Variants in ING5 observed in about 807,000 individuals in gnomAD.
ING5 encodes the protein inhibitor of growth family member 5.
Under a neutral mutation model 37.4 loss-of-function variants are expected in ING5, and 17 were observed. The ratio of observed to expected loss-of-function variants is 0.45; its 90% CI spans 0.31 to 0.68. The LOEUF (loss-of-function observed/expected upper bound fraction) is 0.68, where lower values mean the gene tolerates loss of function less well. Among genes scored for constraint, ING5 ranks in the 30% least tolerant of loss-of-function variants. The pLI is 0.05. For synonymous variants in ING5, 123 were observed against 116.6 expected (o/e 1.06, Z -0.36); for missense variants, 233 against 311.9 (o/e 0.75, Z 1.91).
At position 241,729,265 on chromosome 2, in the gene ING5, CT is replaced by C. The variant is rs148571661; in HGVS notation, c.*4237del. ...TCTGTATGTATTTTGTGGTGTCCAC[CT>C]TTAACCACGTTTCATCCAAAACGAT... On this transcript the variant is annotated 3_prime_UTR_variant, in exon 8 of 8. Transcript: ENST00000313552. 0.027 allele frequency: 4,193 copies of C among 152,678 alleles called. 95 individuals are homozygous for C. Among genetic ancestry groups the C allele is most frequent in the Non-Finnish European group, 0.038 (2,572 of 68,020 alleles). 9.5% of individuals were successfully genotyped at this position (152,678 alleles called of 1,614,324 possible).
Position 241,711,392 on chromosome 2 carries a change from C to T in ING5, c.292C>T (p.Arg98Ter). The T allele has an allele frequency of 3.9e-6, 6 of 1,534,934 alleles. No homozygotes were observed. Among genetic ancestry groups the T allele is most frequent in the Non-Finnish European group, 5.2e-6 (6 of 1,144,836 alleles). The change falls in exon 4 of 8, where the codon CGA (arginine) becomes TGA (stop). Residue 98 changes from arginine (R) to a stop codon, truncating the protein, a stop_gained. Transcript: ENST00000313552. LOFTEE classifies it high-confidence loss of function. ...QTYEMVDKHI[R>*]RLDADLARFE... ...CCTTTTGTAGGTGGATAAACACATT[C>T]GAAGGCTTGATGCAGACCTGGCGCG...
chr2:241,723,656 A>T, intron 7 of ING5: 1 of 1,064,778 alleles, frequency 9.4e-7, no homozygotes, highest in Non-Finnish European at 1.4e-6. Context: ...ATATAGCATG[A>T]GATGTGAGCC....
At chr2:241,722,514 C>T in intron 5 of ING5, 2 of 985,472 alleles carry the variant, frequency 2.0e-6, no homozygotes, top group South Asian at 4.7e-5. Flanking sequence ...CTGCTGCCAG[C>T]TGCTGCTGTT....
In ING5 at chr2:241,708,398, G is replaced by A. The variant is rs1012628669; in HGVS notation, c.110-818G>A. ...AATTTTTTGTATTTTTAGTAGAGAC[G>A]GGGTTTCATCAAGTTAGCCAGGATG... On this transcript the variant is annotated intron_variant, in intron 2 of 7. Coordinates refer to ENST00000313552, the MANE Select transcript of ING5 (RefSeq NM_032329.6). 5.9e-5 allele frequency among the ~76,000 whole-genome samples: 9 copies of A among 151,284 alleles called. No individual in the cohort carries two copies. In the Admixed American group the frequency reaches 6.0e-4, roughly 10 times the overall value.
intron 5 of ING5, among the ~76,000 whole-genome samples, chr2:241,715,546 G>C (rs2070241641): frequency 7.3e-6 from 1 of 137,454 alleles, no homozygotes; most frequent in African/African-American, 2.8e-5. Flanking sequence ...GCAGTGGTGT[G>C]ATCTTGGCTC....
At chr2:241,720,587 T>C in intron 5 of ING5, 1 of 986,410 alleles carries the variant, frequency 1.0e-6, no homozygotes, top group African/African-American at 1.7e-5. Flanking sequence ...GCACCTGGAA[T>C]CCCGGGGCTT....
At chr2:241,713,423 T>C (rs1295635791) in intron 5 of ING5, among the ~76,000 whole-genome samples, 1 of 138,006 alleles carries the variant, frequency 7.2e-6, no homozygotes. Context: ...CAGGCTGGAG[T>C]GTGGTGGCGC....
intron 1 of ING5, among the ~76,000 whole-genome samples, chr2:241,703,060 G>C (rs2069792975): frequency 6.6e-6 from 1 of 152,174 alleles, no homozygotes; most frequent in Non-Finnish European, 1.5e-5. Context: ...CATGTGCTCC[G>C]CTGTCTCTTG....
chr2:241,710,341 C>T (rs1235385438), intron 3 of ING5, among the ~76,000 whole-genome samples: 1 of 151,900 alleles, frequency 6.6e-6, no homozygotes, highest in South Asian at 2.1e-4. Context: ...CTCACTGTGT[C>T]GCCCAGACTA....
intron 5 of ING5, chr2:241,721,252 G>A: frequency 1.0e-6 from 1 of 985,490 alleles, no homozygotes; most frequent in Non-Finnish European, 1.2e-6. Flanking sequence ...ACCCTTGCGT[G>A]CTGCTGTCAG....
intron 5 of ING5, among the ~76,000 whole-genome samples, chr2:241,715,472 A>ATTTTTT (rs34545938): frequency 2.4e-4 from 17 of 70,946 alleles, no homozygotes; most frequent in African/African-American, 3.8e-4. Flanking sequence ...CTGGAATAGA[A>ATTTTTT]TTTTTTTTTT....
In ING5 at chr2:241,705,825, C is replaced by T. The variant is rs1369928624; in HGVS notation, c.109+1101C>T. On this transcript the variant is annotated intron_variant, in intron 2 of 7. Transcript: ENST00000313552. ...GGCAGCTGTACTTCTCCAGTGGCCC[C>T]CACACCCTCACATGCCCTCACCTGG... Among the ~76,000 whole-genome samples the T allele has an allele frequency of 2.0e-5, 3 of 152,164 alleles. No homozygotes were observed. The East Asian group carries it at 5.8e-4, about 29-fold the overall frequency.
At chr2:241,721,364 A>G in intron 5 of ING5, 1 of 985,448 alleles carries the variant, frequency 1.0e-6, no homozygotes, top group Non-Finnish European at 1.2e-6. Context: ...CTAAAGAGAA[A>G]CCCCTGTCTA....
At chr2:241,724,924 C>A in intron 7 of ING5, 65 bp from the exon 8 acceptor site, 3 of 1,508,790 alleles carry the variant, frequency 2.0e-6, no homozygotes, top group Admixed American at 2.0e-5. Flanking sequence ...GGGAGGCGGG[C>A]CCTGGGCACC....
chr2:241,719,823 T>G lies in ING5; in HGVS notation c.483-3116T>G. On this transcript the variant is annotated intron_variant, in intron 5 of 7. Coordinates refer to ENST00000313552, the MANE Select transcript of ING5 (RefSeq NM_032329.6). ...CAGTGCGCTGACCAGCACTGTTTAG[T>G]AGCAATGCGGAGCCTGGGAGCTCAG... The G allele has an allele frequency of 5.0e-6, 7 of 1,413,554 alleles. No individual in the cohort carries two copies. The South Asian group carries it at 1.1e-4, about 23-fold the overall frequency. 87.6% of individuals were successfully genotyped at this position (1,413,554 alleles called of 1,614,324 possible).
At chr2:241,713,118 G>A (rs1326179432) in intron 5 of ING5, among the ~76,000 whole-genome samples, 1 of 149,942 alleles carries the variant, frequency 6.7e-6, no homozygotes, top group Non-Finnish European at 1.5e-5. Context: ...GTGCAATGGC[G>A]CCATCTCGGC....
rs926117570 is a variant in ING5 at position 241,725,749 on chromosome 2, C to T, written c.*718C>T. ...CGCGAGACCCTGTGCGACAGCTGGGCTGATGCTCCGTTTCTCTGGGAATTG... is the reference window on the plus strand; with the variant it reads ...CGCGAGACCCTGTGCGACAGCTGGGTTGATGCTCCGTTTCTCTGGGAATTG... On this transcript the variant is annotated 3_prime_UTR_variant, in exon 8 of 8. Coordinates refer to ENST00000313552, the MANE Select transcript of ING5 (RefSeq NM_032329.6). 6.6e-5 allele frequency: 10 copies of T among 152,642 alleles called. No individual in the cohort carries two copies. Among genetic ancestry groups the T allele is most frequent in the African/African-American group, 1.2e-4 (5 of 41,450 alleles). The allele number at this position is 152,642 out of a possible 1,614,324, so 9.5% of individuals were successfully genotyped here.
chr2:241,721,439 C>T (rs955614943), intron 5 of ING5: 13 of 985,540 alleles, frequency 1.3e-5, no homozygotes, highest in South Asian at 9.4e-5. Context: ...AGGTGGGCGC[C>T]CCTGTGCCAG....
At chr2:241,696,212 A>AAACC (rs1158393895) in intron 2 of ING5, among the ~76,000 whole-genome samples, 1 of 152,122 alleles carries the variant, frequency 6.6e-6, no homozygotes, top group Non-Finnish European at 1.5e-5. Context: ...CAACATAGTG[A>AAACC]AACCCCGTGT....
Sources: gnomAD v4.1 joint callset for allele counts (sites outside exome capture counted in the v4.1 genomes callset) on GRCh38, gnomAD v4.1.1 for gene constraint, MANE v1.5 for transcripts, NCBI Gene and HGNC (gene_info 2026-07-23, HGNC 2026-07-21) for gene names.